The following ABI3BP variants were observed in gnomAD, a reference collection of about 807,000 sequenced individuals.
ABI3BP encodes target of Nesh-SH3.
Under a neutral mutation model 268.6 loss-of-function variants are expected in ABI3BP, and 216 were observed. That is an observed-to-expected ratio of 0.80 (90% CI 0.72 to 0.90). The LOEUF is 0.90. Ranked by LOEUF, ABI3BP falls within the 40% of genes least tolerant of loss-of-function variation. The pLI is 0.00. For synonymous variants in ABI3BP, 730 were observed against 730.0 expected (o/e 1.00, Z 0.00); for missense variants, 2,090 against 2,182.4 (o/e 0.96, Z 0.84).
intron 26 of ABI3BP, among the ~76,000 whole-genome samples, chr3:100,837,909 T>C (rs888689749): frequency 4.6e-5 from 7 of 152,182 alleles, no homozygotes; most frequent in African/African-American, 1.7e-4. Context: ...AAAATGACTT[T>C]CAAAAATGTT....
intron 1 of ABI3BP, among the ~76,000 whole-genome samples, chr3:100,968,365 T>C (rs1420417060): frequency 6.6e-6 from 1 of 152,214 alleles, no homozygotes; most frequent in East Asian, 1.9e-4. Context: ...TTTTTTCACT[T>C]TATTATTCTC....
intron 4 of ABI3BP, among the ~76,000 whole-genome samples, chr3:100,891,948 A>C (rs2044892093): frequency 6.6e-6 from 1 of 152,212 alleles, no homozygotes; most frequent in African/African-American, 2.4e-5. Context: ...TGGGTGTGGC[A>C]CTATCCAGCC....
intron 32 of ABI3BP, 138 bp downstream of exon 32, chr3:100,830,440 A>G (rs2098471687): frequency 1.5e-6 from 1 of 673,850 alleles, no homozygotes. Flanking sequence ...TAATACTCTT[A>G]TACATATTAA....
At chr3:100,918,345 C>T (rs992008752) in intron 2 of ABI3BP, among the ~76,000 whole-genome samples, 4 of 148,910 alleles carry the variant, frequency 2.7e-5, no homozygotes, top group African/African-American at 5.0e-5. Flanking sequence ...CCCATCCACC[C>T]GTCCACTCAT....
At chr3:100,842,098 GT>G in intron 20 of ABI3BP, 59 bp from the exon 21 acceptor site, 1 of 1,373,414 alleles carries the variant, frequency 7.3e-7, no homozygotes, top group Non-Finnish European at 1.0e-6. Context: ...TGAGATAGAA[GT>G]GACATGTTCT....
chr3:100,761,079 C>A (rs184039494), intron 63 of ABI3BP, among the ~76,000 whole-genome samples: 17 of 152,192 alleles, frequency 1.1e-4, no homozygotes, highest in African/African-American at 3.6e-4. Context: ...CTCTTTATGT[C>A]CATGTGTTCT....
At chr3:100,766,071 G>T (rs760143908) in intron 62 of ABI3BP, 122 bp from the exon 63 acceptor site, 1 of 677,548 alleles carries the variant, frequency 1.5e-6, no homozygotes. Context: ...GGAAGTTCTA[G>T]AGACATATTG....
At chr3:100,825,041 AC>A in intron 35 of ABI3BP, 100 bp from the exon 36 acceptor site, 1 of 969,108 alleles carries the variant, frequency 1.0e-6, no homozygotes, top group Non-Finnish European at 1.5e-6. Flanking sequence ...AGTTCCAGAA[AC>A]TTTAGTTGTT....
rs549391660 is a variant in ABI3BP at position 100,804,826 on chromosome 3, C to T, written c.3723G>A (p.Thr1241=). The change falls in exon 51 of 68, where the codon ACG becomes ACA. Residue 1241 remains threonine, a synonymous_variant. Transcript: ENST00000471714. ...TGTATGACACTTCTGGACTTGGTGA[C>T]GTTTTTGGTTTTGCAGTAACACGCT... ...VPQRVTAKPK[T]SPSPEVSYTT... 1.1e-5 allele frequency: 17 copies of T among 1,612,956 alleles called. No homozygotes were observed. The highest frequency in any genetic ancestry group is 2.7e-5 in the African/African-American group (2 of 74,856).
intron 14 of ABI3BP, among the ~76,000 whole-genome samples, chr3:100,858,629 C>A (rs185458707): frequency 6.6e-6 from 1 of 152,088 alleles, no homozygotes; most frequent in South Asian, 2.1e-4. Flanking sequence ...ACAAAAAGTA[C>A]GATAAATCTC....
intron 63 of ABI3BP, among the ~76,000 whole-genome samples, chr3:100,757,742 C>A (rs1316538546): frequency 6.6e-6 from 1 of 151,914 alleles, no homozygotes; most frequent in Non-Finnish European, 1.5e-5. Flanking sequence ...ACAAATAGAA[C>A]AAAGAAATGA....
Position 100,952,129 on chromosome 3 carries a change from A to G in ABI3BP, c.80-25648T>C, listed in dbSNP as rs574974233. ...AGGCATTTTTATCTCTTGTCTACAA[A>G]TAATTCCTTAAATTTTGGCCAAAAC... On this transcript the variant is annotated intron_variant, in intron 1 of 67. Transcript: ENST00000471714. Among the ~76,000 whole-genome samples the G allele has an allele frequency of 1.1e-4, 16 of 152,302 alleles. No homozygotes were observed. The South Asian group carries it at 3.1e-3, about 30-fold the overall frequency.
chr3:100,970,166 G>A (rs758655761), intron 1 of ABI3BP, among the ~76,000 whole-genome samples: 38 of 152,126 alleles, frequency 2.5e-4, no homozygotes, highest in Non-Finnish European at 4.3e-4. Context: ...TTATCCATAC[G>A]CATTCTCCTA....
intron 28 of ABI3BP, 79 bp downstream of exon 28, chr3:100,835,522 C>G (rs142292079): frequency 9.0e-7 from 1 of 1,108,858 alleles, no homozygotes; most frequent in African/African-American, 1.6e-5. Flanking sequence ...AAAGAAAAAA[C>G]CCTTAGCCCA....
chr3:100,862,507 T>A (rs75098731), intron 13 of ABI3BP, 122 bp from the exon 14 acceptor site: 1 of 646,044 alleles, frequency 1.5e-6, no homozygotes, highest in Non-Finnish European at 2.7e-6. Context: ...ACCAATACAA[T>A]AAAAAGTCAT....
intron 14 of ABI3BP, among the ~76,000 whole-genome samples, chr3:100,861,589 CT>C (rs2098999269): frequency 6.6e-6 from 1 of 151,930 alleles, no homozygotes; most frequent in Non-Finnish European, 1.5e-5. Flanking sequence ...CTTTAGTTGA[CT>C]GCTAGGCAAT....
At position 100,818,538 on chromosome 3, in the gene ABI3BP, A is replaced by T; in HGVS notation, c.3075T>A (p.Ala1025=). ...DLEPGTLRTE[A]PKTMVVTTVL... ...CATTCTCATTACCCATGGTTTTTGG[A>T]GCTTCAGTTCTGAGAGTACCAGGTT... The change falls in exon 41 of 68, where the codon GCT becomes GCA. Residue 1025 remains alanine, a synonymous_variant. Coordinates refer to ENST00000471714, the MANE Select transcript of ABI3BP (RefSeq NM_001375547.2). 6.5e-7 allele frequency: 1 copy of T among 1,535,504 alleles called. No homozygotes were observed. The highest frequency in any genetic ancestry group is 8.7e-7 in the Non-Finnish European group (1 of 1,146,402).
At chr3:100,773,365 T>G (rs1334008469) in intron 61 of ABI3BP, among the ~76,000 whole-genome samples, 2 of 152,204 alleles carry the variant, frequency 1.3e-5, no homozygotes, top group Non-Finnish European at 2.9e-5. Context: ...ACATAAGATG[T>G]TCAATGTTAT....
chr3:100,949,575 A>AT (rs2074047942), intron 1 of ABI3BP, among the ~76,000 whole-genome samples: 1 of 152,136 alleles, frequency 6.6e-6, no homozygotes. Flanking sequence ...CAACAATTGA[A>AT]TTTATTTTGG....
Sources: allele counts gnomAD v4.1 joint callset (sites outside exome capture counted in the v4.1 genomes callset), GRCh38; gene constraint gnomAD v4.1.1; transcripts MANE v1.5; gene names NCBI Gene and HGNC (gene_info 2026-07-23, HGNC 2026-07-21).